MYO10: variants seen among roughly 807,000 people sequenced by gnomAD.
MYO10 encodes myosin X.
Under a neutral mutation model 257.3 loss-of-function variants are expected in MYO10, and 133 were observed. The ratio of observed to expected loss-of-function variants is 0.52; its 90% confidence interval spans 0.45 to 0.60. MYO10 has a LOEUF of 0.60. MYO10 is among the 20% of genes least tolerant of loss of function. The pLI is 0.00. For missense variants in MYO10, 2,399 were observed against 2,635.7 expected, an observed-to-expected ratio of 0.91 and a Z score of 1.97; for synonymous variants, 1,104 against 1,028.6, an observed-to-expected ratio of 1.07 and a Z score of -1.40.
chr5:16,729,283 C>A (rs1051815765), intron 19 of MYO10, among the ~76,000 whole-genome samples: 3 of 152,122 alleles, frequency 2.0e-5, no homozygotes, highest in African/African-American at 7.2e-5. Context: ...AAGAAAGTGT[C>A]CTTATTTAAA....
intron 10 of MYO10, among the ~76,000 whole-genome samples, chr5:16,768,628 GCTCT>G (rs1740949006): frequency 6.9e-6 from 1 of 144,374 alleles, no homozygotes; most frequent in African/African-American, 2.6e-5. Flanking sequence ...ACATTCTGTA[GCTCT>G]CTATTCAAGG....
intron 22 of MYO10, among the ~76,000 whole-genome samples, chr5:16,704,003 T>C (rs1738212739): frequency 6.6e-6 from 1 of 151,338 alleles, no homozygotes. Context: ...CTTCAAGACC[T>C]GACGCAGAGG....
intron 4 of MYO10, among the ~76,000 whole-genome samples, chr5:16,787,303 G>C (rs1741615540): frequency 6.6e-6 from 1 of 152,140 alleles, no homozygotes; most frequent in Non-Finnish European, 1.5e-5. Context: ...TTGGGCTGTG[G>C]AAGTGTTTTA....
intron 2 of MYO10, among the ~76,000 whole-genome samples, chr5:16,868,469 T>C (rs1744348588): frequency 6.6e-6 from 1 of 152,162 alleles, no homozygotes. Context: ...CCAGGCGTGG[T>C]GGCACCTGCC....
intron 21 of MYO10, among the ~76,000 whole-genome samples, chr5:16,710,107 T>C (rs903261717): frequency 1.3e-5 from 2 of 152,188 alleles, no homozygotes; most frequent in Admixed American, 6.5e-5. Context: ...TTCTCTGACA[T>C]TGCACTGCTG....
At chr5:16,680,498 T>A (rs1038850316) in intron 32 of MYO10, among the ~76,000 whole-genome samples, 13 of 152,124 alleles carry the variant, frequency 8.5e-5, no homozygotes, top group Admixed American at 3.9e-4. Flanking sequence ...TTCTTTAGCC[T>A]CTCCCTTCAG....
intron 24 of MYO10, 101 bp downstream of exon 24, chr5:16,702,442 T>C (rs555215247): frequency 3.6e-5 from 40 of 1,119,284 alleles, no homozygotes; most frequent in Non-Finnish European, 5.0e-5. Context: ...TTCTTCCTGT[T>C]ATCTTTCTAC....
chr5:16,766,065 G>A lies in MYO10; in HGVS notation c.1179+15C>T, dbSNP rs368026957. 1 of 1,572,546 alleles carries A rather than the reference G, an allele frequency of 6.4e-7. No homozygotes were observed. The highest frequency in any genetic ancestry group is 8.8e-7 in the Non-Finnish European group (1 of 1,142,470). The stretch of plus-strand genomic sequence containing the variant: ...GTGTCTAGTAACGCAAGATCAGATG[G>A]CAAAGCGTGTGTACCTGTTGAACAT... On this transcript the variant is annotated intron_variant, in intron 11 of 40. Coordinates refer to ENST00000513610, the MANE Select transcript of MYO10 (RefSeq NM_012334.3).
At chr5:16,868,060 A>G (rs973351344) in intron 2 of MYO10, among the ~76,000 whole-genome samples, 2 of 152,236 alleles carry the variant, frequency 1.3e-5, no homozygotes, top group Admixed American at 6.5e-5. Context: ...AGATAAACTG[A>G]TATCACTCTA....
At chr5:16,866,459 GA>G (rs1177482050) in intron 2 of MYO10, among the ~76,000 whole-genome samples, 8 of 152,150 alleles carry the variant, frequency 5.3e-5, no homozygotes. Context: ...CTATTAGGCT[GA>G]ACCATATGTG....
In MYO10 at chr5:16,828,129, G is replaced by A. The variant is rs112983786; in HGVS notation, c.121-9962C>T. 1.1e-3 allele frequency among the ~76,000 whole-genome samples: 168 copies of A among 152,188 alleles called. 2 individuals are homozygous for A. Among genetic ancestry groups the A allele is most frequent in the African/African-American group, 3.5e-3 (146 of 41,532 alleles). Reference sequence around the variant, plus strand: ...ATACGGTAAAGGCATTAGTATCTCCGCGGCAGAGATGCTGAGGCTTAGATT... The same window carrying A: ...ATACGGTAAAGGCATTAGTATCTCCACGGCAGAGATGCTGAGGCTTAGATT... On this transcript the variant is annotated intron_variant, in intron 2 of 40. Transcript: ENST00000513610.
At chr5:16,715,392 A>ATAT (rs1554038579) in intron 19 of MYO10, among the ~76,000 whole-genome samples, 851 of 84,410 alleles carry the variant, frequency 0.01, 23 homozygotes, top group African/African-American at 0.038. Flanking sequence ...TAAGATTGAA[A>ATAT]TTTTTTTTTT....
At chr5:16,808,689 T>A (rs535860765) in intron 3 of MYO10, among the ~76,000 whole-genome samples, 10 of 152,242 alleles carry the variant, frequency 6.6e-5, no homozygotes, top group African/African-American at 2.4e-4. Context: ...TATTATTATT[T>A]TTGAGACAGT....
chr5:16,744,426 A>C (rs746283361), intron 19 of MYO10, among the ~76,000 whole-genome samples: 4 of 152,038 alleles, frequency 2.6e-5, no homozygotes, highest in Non-Finnish European at 5.9e-5. Context: ...CACACCTTTG[A>C]TCTATTGTAT....
In MYO10 at chr5:16,807,117, G is replaced by A. The variant is rs142183362; in HGVS notation, c.279+10892C>T. ...GAGATCCATTATCCAGATTTATTTC[G>A]TACTCACCATCCCCCCGTTTCCTTC... On this transcript the variant is annotated intron_variant, in intron 3 of 40. Coordinates refer to ENST00000513610, the MANE Select transcript of MYO10 (RefSeq NM_012334.3). 7.5e-3 allele frequency among the ~76,000 whole-genome samples: 1,140 copies of A among 152,248 alleles called. 12 individuals carry two copies. Among genetic ancestry groups the A allele is most frequent in the African/African-American group, 0.025 (1,054 of 41,534 alleles).
At chr5:16,775,324 A>G (rs1420430310) in intron 9 of MYO10, among the ~76,000 whole-genome samples, 1 of 152,218 alleles carries the variant, frequency 6.6e-6, no homozygotes. Flanking sequence ...ATTGCGACCA[A>G]TGATAAATTT....
intron 2 of MYO10, among the ~76,000 whole-genome samples, chr5:16,835,595 C>A (rs1743290444): frequency 7.0e-6 from 1 of 142,276 alleles, no homozygotes; most frequent in South Asian, 2.3e-4. Flanking sequence ...TCACAACATC[C>A]AGAAGATAAC....
chr5:16,826,587 A>T (rs189826350), intron 2 of MYO10, among the ~76,000 whole-genome samples: 279 of 152,270 alleles, frequency 1.8e-3, no homozygotes, highest in African/African-American at 6.5e-3. Flanking sequence ...GTGCGGGAGG[A>T]AGGAGCGGGC....
At chr5:16,733,871 C>A (rs1739684011) in intron 19 of MYO10, among the ~76,000 whole-genome samples, 1 of 152,108 alleles carries the variant, frequency 6.6e-6, no homozygotes, top group Non-Finnish European at 1.5e-5. Context: ...GGCATCGCAG[C>A]ATCCACGTCC....
Sources: allele counts gnomAD v4.1 joint callset (sites outside exome capture counted in the v4.1 genomes callset), GRCh38; gene constraint gnomAD v4.1.1; transcripts MANE v1.5; gene names NCBI Gene and HGNC (gene_info 2026-07-23, HGNC 2026-07-21).